FUT9: variants seen among roughly 807,000 people sequenced by gnomAD.
The protein encoded by FUT9 is 4-galactosyl-N-acetylglucosaminide 3-alpha-L-fucosyltransferase 9.
In FUT9, 15 loss-of-function variants were observed where a neutral mutation model predicts 29.7. That is an observed-to-expected ratio of 0.51 (90% CI 0.34 to 0.78). The LOEUF is 0.78. FUT9 is among the 30% of genes least tolerant of loss of function. FUT9 has a pLI of 0.01. For synonymous variants in FUT9, 169 were observed against 153.7 expected (o/e 1.10, Z -0.74); for missense variants, 319 against 425.4 (o/e 0.75, Z 2.20).
chr6:96,089,462 C>A (rs1027916937), intron 1 of FUT9, among the ~76,000 whole-genome samples: 1 of 152,162 alleles, frequency 6.6e-6, no homozygotes, highest in Non-Finnish European at 1.5e-5. Context: ...TCTCAAAGAA[C>A]GTGTGCTGCC....
intron 1 of FUT9, among the ~76,000 whole-genome samples, chr6:96,021,495 G>A (rs1261054119): frequency 6.6e-6 from 1 of 151,950 alleles, no homozygotes; most frequent in African/African-American, 2.4e-5. Context: ...AGAAGTACAA[G>A]CGGAGGATGC....
At chr6:96,118,896 T>C (rs144024269) in intron 2 of FUT9, among the ~76,000 whole-genome samples, 196 of 152,154 alleles carry the variant, frequency 1.3e-3, no homozygotes, top group Non-Finnish European at 2.3e-3. Context: ...ACAAAAATAT[T>C]TAAAAATAGG....
intron 1 of FUT9, among the ~76,000 whole-genome samples, chr6:96,073,484 A>T (rs534147247): frequency 1.3e-5 from 2 of 151,444 alleles, no homozygotes; most frequent in South Asian, 4.2e-4. Context: ...AAGATAAAGG[A>T]TGGTATTACT....
chr6:96,110,680 T>G (rs1344123811), intron 1 of FUT9, among the ~76,000 whole-genome samples: 1 of 152,124 alleles, frequency 6.6e-6, no homozygotes, highest in Non-Finnish European at 1.5e-5. Context: ...ATTGTGCATT[T>G]TTTAAGGGTA....
intron 1 of FUT9, among the ~76,000 whole-genome samples, chr6:96,024,524 G>A (rs1575677): frequency 0.72 from 108,864 of 151,526 alleles, 39,231 homozygotes; most frequent in Admixed American, 0.81. Flanking sequence ...CATCCTTGGG[G>A]ATCCTTTGAC....
intron 1 of FUT9, among the ~76,000 whole-genome samples, chr6:96,105,670 C>A (rs1771665466): frequency 1.3e-5 from 2 of 152,098 alleles, no homozygotes; most frequent in South Asian, 4.1e-4. Context: ...TTAATTTATA[C>A]TCAAGAAGAG....
rs553724459 is a variant in FUT9, at chr6:96,048,639, A to G, written c.-98+32427A>G. Among the ~76,000 whole-genome samples, 363 of 152,328 alleles carry G rather than the reference A, an allele frequency of 2.4e-3. 1 individual carries two copies. Among genetic ancestry groups the G allele is most frequent in the African/African-American group, 8.5e-3 (355 of 41,572 alleles). ...TTAAGTTCCTATGATACTTAATGCT[A>G]CATCTGGGAGGAGATGAGTGTATTC... On this transcript the variant is annotated intron_variant, in intron 1 of 2. Transcript: ENST00000302103.
chr6:96,118,063 G>A (rs769719212), intron 2 of FUT9, among the ~76,000 whole-genome samples: 3 of 152,056 alleles, frequency 2.0e-5, no homozygotes, highest in Middle Eastern at 3.4e-3. Context: ...AAAATCAGCT[G>A]GTGTGGTGGT....
chr6:96,199,930 A>G (rs557321710), intron 2 of FUT9, among the ~76,000 whole-genome samples: 2 of 152,168 alleles, frequency 1.3e-5, no homozygotes, highest in Non-Finnish European at 2.9e-5. Context: ...CAAAGCTTAC[A>G]TTCTGGTATC....
chr6:96,138,308 C>A (rs1007492114), intron 2 of FUT9, among the ~76,000 whole-genome samples: 1 of 152,102 alleles, frequency 6.6e-6, no homozygotes, highest in African/African-American at 2.4e-5. Flanking sequence ...AAGGTAAGGG[C>A]AATTTTTGCT....
intron 2 of FUT9, among the ~76,000 whole-genome samples, chr6:96,191,086 G>C (rs1773499295): frequency 6.6e-6 from 1 of 152,052 alleles, no homozygotes. Context: ...TGGGGTTTTG[G>C]TGTGGATGTC....
intron 1 of FUT9, among the ~76,000 whole-genome samples, chr6:96,022,261 T>G (rs1462717787): frequency 6.6e-6 from 1 of 152,064 alleles, no homozygotes; most frequent in Admixed American, 6.6e-5. Flanking sequence ...TGAGACTAAT[T>G]TAACCCACTA....
intron 2 of FUT9, among the ~76,000 whole-genome samples, chr6:96,149,765 A>C (rs976535389): frequency 8.5e-5 from 13 of 152,188 alleles, no homozygotes; most frequent in Admixed American, 3.3e-4. Flanking sequence ...TGATGTTTGG[A>C]TACAGTATAC....
chr6:96,142,820 A>C (rs1234612596), intron 2 of FUT9, among the ~76,000 whole-genome samples: 1 of 152,128 alleles, frequency 6.6e-6, no homozygotes, highest in African/African-American at 2.4e-5. Context: ...TTTTATGCTA[A>C]TATAGGTTTC....
At chr6:96,068,649 G>A (rs1024797115) in intron 1 of FUT9, among the ~76,000 whole-genome samples, 2 of 152,164 alleles carry the variant, frequency 1.3e-5, no homozygotes, top group Non-Finnish European at 2.9e-5. Context: ...AGTAGTGTTA[G>A]GTATGAACTT....
At chr6:96,035,636 ATAT>A (rs1277906871) in intron 1 of FUT9, among the ~76,000 whole-genome samples, 2 of 133,060 alleles carry the variant, frequency 1.5e-5, no homozygotes, top group African/African-American at 2.7e-5. Flanking sequence ...ATATAATAAA[ATAT>A]TATATTTATT....
At chr6:96,198,665 T>A (rs1472916821) in intron 2 of FUT9, among the ~76,000 whole-genome samples, 1 of 152,222 alleles carries the variant, frequency 6.6e-6, no homozygotes, top group Non-Finnish European at 1.5e-5. Flanking sequence ...ATGGTATTTC[T>A]AGTTCCAGAT....
intron 2 of FUT9, among the ~76,000 whole-genome samples, chr6:96,141,324 A>G (rs1451046166): frequency 6.6e-6 from 1 of 152,196 alleles, no homozygotes; most frequent in East Asian, 1.9e-4. Flanking sequence ...TAGCTATTCT[A>G]TGAATAAAGA....
chr6:96,169,193 T>C (rs374240108), intron 2 of FUT9, among the ~76,000 whole-genome samples: 1 of 152,346 alleles, frequency 6.6e-6, no homozygotes, highest in Admixed American at 6.5e-5. Flanking sequence ...ATGGGCAATT[T>C]AATATTGCCT....
Sources: allele counts gnomAD v4.1 joint callset (sites outside exome capture counted in the v4.1 genomes callset), GRCh38; gene constraint gnomAD v4.1.1; transcripts MANE v1.5; gene names NCBI Gene and HGNC (gene_info 2026-07-23, HGNC 2026-07-21).